The following PAQR3 variants were observed in gnomAD, a reference collection of about 807,000 sequenced individuals.
PAQR3 encodes progestin and adipoQ receptor family member 3.
A neutral mutation model predicts 41.7 loss-of-function variants in PAQR3; 39 were observed. That is an observed-to-expected ratio of 0.93 (90% CI 0.72 to 1.22). PAQR3 has a LOEUF of 1.22. PAQR3 is among the 50% of genes most tolerant of loss of function. PAQR3 has a pLI of 0.00. For synonymous variants in PAQR3, 140 were observed against 140.6 expected, an observed-to-expected ratio of 1.00 and a Z score of 0.03; for missense variants, 366 against 385.6, an observed-to-expected ratio of 0.95 and a Z score of 0.42.
intron 11 of PAQR3, among the ~76,000 whole-genome samples, chr4:78,893,656 G>A (rs999179346): frequency 7.2e-5 from 11 of 152,172 alleles, no homozygotes; most frequent in African/African-American, 2.7e-4. Flanking sequence ...TCGAACTCCT[G>A]GGCTCCAGTG....
At position 78,913,627 on chromosome 4, in the gene PAQR3, A is replaced by T. The variant is rs1228645376; in HGVS notation, c.*6912T>A. On this transcript the variant is annotated 3_prime_UTR_variant, in exon 6 of 6. Transcript: ENST00000512733. ...AGTATATTTTACGAGTAATTTTATT[A>T]GGAATCTCTTATAGTGCCCCAATGG... is the stretch of plus-strand genomic sequence containing the variant. 6.6e-6 allele frequency: 1 copy of T among 152,200 alleles called. No individual in the cohort carries two copies. Among genetic ancestry groups the T allele is most frequent in the Non-Finnish European group, 1.5e-5 (1 of 68,002 alleles). 9.4% of individuals were successfully genotyped at this position (152,200 alleles called of 1,614,324 possible). A position where few individuals can be genotyped will look rare whatever the true frequency, so the allele number is the denominator to read the frequency against.
chr4:78,939,088 A>G lies in PAQR3; in HGVS notation c.137T>C (p.Ile46Thr). Residue 46 changes from isoleucine to threonine, a missense_variant, in exon 1 of 6, where the codon ATC becomes ACC. Transcript: ENST00000512733. ...CAGGTAGGCCCGGTAGCCGTCGGTGATGTACGGGTTGTCCTTGAGGGACCC... is the reference window on the plus strand; with the variant it reads ...CAGGTAGGCCCGGTAGCCGTCGGTGGTGTACGGGTTGTCCTTGAGGGACCC... ...IPGSLKDNPY[I>T]TDGYRAYLPS... is the part of the protein sequence containing the mutation. The G allele has an allele frequency of 6.2e-7, 1 of 1,613,130 alleles. No individual in the cohort carries two copies. Among genetic ancestry groups the G allele is most frequent in the Non-Finnish European group, 8.5e-7 (1 of 1,179,418 alleles).
In PAQR3 at chr4:78,917,297, T is replaced by G. The variant is rs1370340274; in HGVS notation, c.*3242A>C. The stretch of plus-strand genomic sequence containing the variant: ...CAGATGGTTGTCACAATTGAGATTA[T>G]GTGCAGGTTAGGTAGTATTTTGATC... On this transcript the variant is annotated 3_prime_UTR_variant, in exon 6 of 6. Coordinates refer to ENST00000512733, the MANE Select transcript of PAQR3 (RefSeq NM_001040202.2). 6.6e-6 allele frequency: 1 copy of G among 151,960 alleles called. No individual in the cohort carries two copies. Among genetic ancestry groups the G allele is most frequent in the Non-Finnish European group, 1.5e-5 (1 of 67,886 alleles). The allele number at this position is 151,960 out of a possible 1,614,324, so 9.4% of individuals were successfully genotyped here. A position where few individuals can be genotyped will look rare whatever the true frequency, so the allele number is the denominator to read the frequency against.
In PAQR3 at chr4:78,917,823, T is replaced by C. The variant is rs1451493091; in HGVS notation, c.*2716A>G. On this transcript the variant is annotated 3_prime_UTR_variant, in exon 6 of 6. Transcript: ENST00000512733. Reference sequence around the variant, plus strand: ...ATCACAATCTTCAAATCGGATATTCTGTCCAGGTGGGATGCCATAAGATGT... The same window carrying C: ...ATCACAATCTTCAAATCGGATATTCCGTCCAGGTGGGATGCCATAAGATGT... 1.0e-6 allele frequency: 1 copy of C among 985,358 alleles called. No individual in the cohort carries two copies. Among genetic ancestry groups the C allele is most frequent in the Admixed American group, 6.2e-5 (1 of 16,186 alleles). 61.0% of individuals were successfully genotyped at this position (985,358 alleles called of 1,614,324 possible).
chr4:78,895,649 A>G (rs1733663771), intron 11 of PAQR3, among the ~76,000 whole-genome samples: 1 of 152,198 alleles, frequency 6.6e-6, no homozygotes, highest in Admixed American at 6.6e-5. Context: ...GTTGGGATGT[A>G]GATGGGAATT....
At chr4:78,925,797 G>A (rs1736132882) in intron 4 of PAQR3, among the ~76,000 whole-genome samples, 1 of 152,122 alleles carries the variant, frequency 6.6e-6, no homozygotes, top group Non-Finnish European at 1.5e-5. Context: ...CATATGTACA[G>A]CATTTTTGTA....
At chr4:78,938,249 T>C (rs920208556) in intron 1 of PAQR3, among the ~76,000 whole-genome samples, 2 of 152,218 alleles carry the variant, frequency 1.3e-5, no homozygotes, top group Non-Finnish European at 2.9e-5. Flanking sequence ...TGTATTTTAG[T>C]ACAGGTAGTA....
At chr4:78,889,479 CTTA>C (rs375169091) in intron 11 of PAQR3, among the ~76,000 whole-genome samples, 246 of 152,206 alleles carry the variant, frequency 1.6e-3, no homozygotes, top group African/African-American at 5.8e-3. Flanking sequence ...TATATTGCTA[CTTA>C]TTATAAAGCT....
In PAQR3 at chr4:78,912,034, A is replaced by G. The variant is rs775946224; in HGVS notation, c.*8505T>C. ...TGCTCCATTTCCTTCTAAACAGTAG[A>G]TACTTCTGATGGATTCTCGGCATTA... On this transcript the variant is annotated 3_prime_UTR_variant, in exon 6 of 6. Coordinates refer to ENST00000512733, the MANE Select transcript of PAQR3 (RefSeq NM_001040202.2). 3 of 1,592,984 alleles carry G rather than the reference A, an allele frequency of 1.9e-6. No individual in the cohort carries two copies. The highest frequency in any genetic ancestry group is 2.6e-6 in the Non-Finnish European group (3 of 1,168,330).
At position 78,898,666 on chromosome 4, in the gene PAQR3, A is replaced by C. The variant is rs535352539; in HGVS notation, c.*836+7442T>G. Among the ~76,000 whole-genome samples, 19 of 151,788 alleles carry C rather than the reference A, an allele frequency of 1.3e-4. No homozygotes were observed. The East Asian group carries it at 3.7e-3, about 30-fold the overall frequency. On this transcript the variant is annotated intron_variant and NMD_transcript_variant, in intron 11 of 12. Coordinates refer to the PAQR3 transcript ENST00000342820. ...GAGCGAGACTCCATCTCAAAAAAAAAAAAAGACCATTGCTCCTCAAAGTGT... is the reference window on the plus strand; with the variant it reads ...GAGCGAGACTCCATCTCAAAAAAAACAAAAGACCATTGCTCCTCAAAGTGT...
rs1331478015 is a variant in PAQR3, at chr4:78,912,012, T to G, written c.*8527A>C. The stretch of plus-strand genomic sequence containing the variant: ...TCGAATTAGACCCATTTGGTGCTGC[T>G]CCATTTCCTTCTAAACAGTAGATAC... On this transcript the variant is annotated 3_prime_UTR_variant, in exon 6 of 6. Transcript: ENST00000512733. 6.2e-7 allele frequency: 1 copy of G among 1,611,028 alleles called. No homozygotes were observed. The highest frequency in any genetic ancestry group is 1.7e-5 in the Admixed American group (1 of 59,788).
intron 11 of PAQR3, among the ~76,000 whole-genome samples, chr4:78,895,576 T>A (rs2110085891): frequency 6.6e-6 from 1 of 151,550 alleles, no homozygotes; most frequent in South Asian, 2.1e-4. Flanking sequence ...GGTAATGAAA[T>A]AAAAGTTGAA....
chr4:78,926,095 T>C (rs187499003), intron 4 of PAQR3, among the ~76,000 whole-genome samples: 1 of 152,056 alleles, frequency 6.6e-6, no homozygotes, highest in African/African-American at 2.4e-5. Context: ...CCCACACTCA[T>C]CGGGTCCAAC....
At chr4:78,899,669 T>C (rs978255357) in intron 11 of PAQR3, among the ~76,000 whole-genome samples, 70 of 151,680 alleles carry the variant, frequency 4.6e-4, no homozygotes, top group African/African-American at 9.7e-4. Context: ...TTTTTTTTTT[T>C]CCCAAAGGAT....
rs187843220 is a variant in PAQR3 at position 78,920,306 on chromosome 4, T to C, written c.*233A>G. ...GTTGTTATTCAGATGTTTCTTATGATTGCCAACTAATTTTCACTTTCTGTA... is the reference window on the plus strand; with the variant it reads ...GTTGTTATTCAGATGTTTCTTATGACTGCCAACTAATTTTCACTTTCTGTA... On this transcript the variant is annotated 3_prime_UTR_variant, in exon 6 of 6. Transcript: ENST00000512733. The C allele has an allele frequency of 1.3e-4, 148 of 1,180,390 alleles. No homozygotes were observed. The African/African-American group carries it at 1.9e-3, about 15-fold the overall frequency. The allele number at this position is 1,180,390 out of a possible 1,614,324, so 73.1% of individuals were successfully genotyped here. A position where few individuals can be genotyped will look rare whatever the true frequency, so the allele number is the denominator to read the frequency against.
intron 11 of PAQR3, among the ~76,000 whole-genome samples, chr4:78,902,872 G>T (rs1161502623): frequency 6.6e-6 from 1 of 152,066 alleles, no homozygotes; most frequent in East Asian, 1.9e-4. Context: ...GTTTATAAAG[G>T]TTTATTTAAT....
downstream of PAQR3, chr4:78,910,482 T>A: frequency 1.3e-6 from 1 of 782,514 alleles, no homozygotes; most frequent in East Asian, 2.9e-5. Context: ...ATTGACAACA[T>A]TATTTTTTCC....
chr4:78,939,413 G>C lies in PAQR3; in HGVS notation c.-189C>G, dbSNP rs1319602597. 6.5e-6 allele frequency: 2 copies of C among 307,392 alleles called. No individual in the cohort carries two copies. Among genetic ancestry groups the C allele is most frequent in the African/African-American group, 2.2e-5 (1 of 44,892 alleles). 19.0% of individuals were successfully genotyped at this position (307,392 alleles called of 1,614,324 possible). The stretch of plus-strand genomic sequence containing the variant: ...GGCCACTGCCGCCAGCGCCGCGGCG[G>C]ACCCGGCAGCGTCGCAGCCTCCTCT... On this transcript the variant is annotated 5_prime_UTR_variant, in exon 1 of 6. Coordinates refer to ENST00000512733, the MANE Select transcript of PAQR3 (RefSeq NM_001040202.2).
Position 78,916,557 on chromosome 4 carries a change from AC to A in PAQR3, c.*3981del, listed in dbSNP as rs1735091957. 1 of 151,792 alleles carries A rather than the reference AC, an allele frequency of 6.6e-6. No individual in the cohort carries two copies. The highest frequency in any genetic ancestry group is 2.4e-5 in the African/African-American group (1 of 41,386). The allele number at this position is 151,792 out of a possible 1,614,324, so 9.4% of individuals were successfully genotyped here. ...CAGAGTTTACAATTTAGGTAAGAAA[AC>A]CCATTTGACTTAAGAGTTTTTGCCA... On this transcript the variant is annotated 3_prime_UTR_variant, in exon 6 of 6. Transcript: ENST00000512733.
Sources: allele counts gnomAD v4.1 joint callset (sites outside exome capture counted in the v4.1 genomes callset), GRCh38; gene constraint gnomAD v4.1.1; transcripts MANE v1.5; gene names NCBI Gene and HGNC (gene_info 2026-07-23, HGNC 2026-07-21).